Variants in KLF17 observed in about 807,000 individuals in gnomAD.
KLF17 encodes the protein KLF transcription factor 17.
KLF17 carries 31 observed loss-of-function variants against 34.2 expected under a neutral mutation model. That is an observed-to-expected ratio of 0.91 (90% CI 0.68 to 1.22). The LOEUF (loss-of-function observed/expected upper bound fraction) is 1.22. Ranked by LOEUF, KLF17 falls within the 50% of genes most tolerant of loss-of-function variation. The pLI is 0.00. For synonymous variants in KLF17, 179 were observed against 186.7 expected (o/e 0.96, Z 0.34); for missense variants, 478 against 505.2 (o/e 0.95, Z 0.52).
chr1:44,127,858 T>C (rs1376798094), intron 1 of KLF17, among the ~76,000 whole-genome samples: 1 of 150,982 alleles, frequency 6.6e-6, no homozygotes, highest in Non-Finnish European at 1.5e-5. Context: ...TAGCAACAAT[T>C]TTCGGGTGAC....
At chr1:44,106,906 G>C in the KLF17 span, 1 of 152,186 alleles carries the variant, frequency 6.6e-6, no homozygotes, top group African/African-American at 2.4e-5. Flanking sequence ...GTGGTCTGCT[G>C]TTTCATTCAG....
At chr1:44,089,937 G>A in the KLF17 span, among the ~76,000 whole-genome samples, 1 of 151,902 alleles carries the variant, frequency 6.6e-6, no homozygotes, top group Non-Finnish European at 1.5e-5. Flanking sequence ...CAAGGGGGGC[G>A]GATCACTTGA....
chr1:44,112,431 G>T, the KLF17 span, among the ~76,000 whole-genome samples: 1 of 150,520 alleles, frequency 6.6e-6, no homozygotes, highest in Non-Finnish European at 1.5e-5. Flanking sequence ...TAGCATCAGG[G>T]TCTCAGTCTT....
At chr1:44,118,668 GC>G (rs398089253), upstream of KLF17, among the ~76,000 whole-genome samples, 1 of 33,522 alleles carries the variant, frequency 3.0e-5, no homozygotes, top group East Asian at 3.8e-3. Flanking sequence ...GCCTGAAGTG[GC>G]TGGCTGTCCG....
chr1:44,047,573 A>G, the KLF17 span, among the ~76,000 whole-genome samples: 3 of 149,062 alleles, frequency 2.0e-5, no homozygotes, highest in Non-Finnish European at 4.4e-5. Flanking sequence ...CGGCACAGTG[A>G]CATCAACATC....
At chr1:44,047,433 G>A in the KLF17 span, among the ~76,000 whole-genome samples, 1 of 152,140 alleles carries the variant, frequency 6.6e-6, no homozygotes, top group African/African-American at 2.4e-5. Context: ...GGAACCAGAA[G>A]AACCAGGTCC....
At chr1:44,103,947 T>A in the KLF17 span, 2 of 862,934 alleles carry the variant, frequency 2.3e-6, no homozygotes, top group Non-Finnish European at 4.0e-6. Context: ...GCTCTCAGCC[T>A]CAGCCCGCCT....
At chr1:44,121,751 A>C (rs906935121) in intron 1 of KLF17, among the ~76,000 whole-genome samples, 1 of 152,232 alleles carries the variant, frequency 6.6e-6, no homozygotes, top group Non-Finnish European at 1.5e-5. Flanking sequence ...ATTTTTGGCA[A>C]GAATGCCTCA....
At chr1:44,112,871 A>G in the KLF17 span, among the ~76,000 whole-genome samples, 3 of 152,198 alleles carry the variant, frequency 2.0e-5, no homozygotes, top group African/African-American at 7.2e-5. Context: ...TCATTTGACA[A>G]AGGGTTCCTA....
chr1:44,125,298 C>T (rs189464266), intron 1 of KLF17, among the ~76,000 whole-genome samples: 29 of 152,130 alleles, frequency 1.9e-4, no homozygotes, highest in Admixed American at 1.2e-3. Flanking sequence ...ACAGTTTTGC[C>T]GTATATAGGA....
At chr1:44,055,836 C>T in the KLF17 span, among the ~76,000 whole-genome samples, 1 of 152,090 alleles carries the variant, frequency 6.6e-6, no homozygotes, top group African/African-American at 2.4e-5. Context: ...CATGTAACAC[C>T]CTTATTTTAC....
chr1:44,079,537 A>T, the KLF17 span, among the ~76,000 whole-genome samples: 2 of 151,974 alleles, frequency 1.3e-5, no homozygotes, highest in Non-Finnish European at 2.9e-5. Flanking sequence ...TCCTGGGCTC[A>T]AGCGATCCTC....
At chr1:44,044,956 T>C in the KLF17 span, 8 of 152,188 alleles carry the variant, frequency 5.3e-5, no homozygotes, top group African/African-American at 1.4e-4. Flanking sequence ...TTCAGTCTGA[T>C]GTCATGTCAG....
chr1:44,122,414 A>C, intron 1 of KLF17: 1 of 1,549,672 alleles, frequency 6.5e-7, no homozygotes, highest in South Asian at 1.1e-5. Context: ...TCATGCTGAC[A>C]TCCACACCTG....
chr1:44,094,513 T>C, the KLF17 span, among the ~76,000 whole-genome samples: 1 of 152,222 alleles, frequency 6.6e-6, no homozygotes, highest in Non-Finnish European at 1.5e-5. Flanking sequence ...TTTGATTTGA[T>C]TTTTGTGTAT....
chr1:44,062,341 GTATCTA>G, the KLF17 span, among the ~76,000 whole-genome samples: 7 of 152,204 alleles, frequency 4.6e-5, no homozygotes, highest in Admixed American at 6.5e-5. Flanking sequence ...GCCTATATCT[GTATCTA>G]TATCTATATC....
the KLF17 span, among the ~76,000 whole-genome samples, chr1:44,112,295 G>A: frequency 0.047 from 7,147 of 152,196 alleles, 229 homozygotes; most frequent in African/African-American, 0.091. Context: ...TTCAAAACCT[G>A]GCTCTGACTT....
chr1:44,121,454 A>C (rs2087945182), intron 1 of KLF17, among the ~76,000 whole-genome samples: 1 of 152,208 alleles, frequency 6.6e-6, no homozygotes, highest in Non-Finnish European at 1.5e-5. Flanking sequence ...AGCCTTATTC[A>C]AATGCCCCTA....
chr1:44,128,238 C>T (rs1205546793), intron 1 of KLF17, among the ~76,000 whole-genome samples: 4 of 152,094 alleles, frequency 2.6e-5, no homozygotes, highest in Non-Finnish European at 5.9e-5. Context: ...CACGCCACCA[C>T]ACCTAGCTGA....
Sources: allele counts gnomAD v4.1 joint callset (sites outside exome capture counted in the v4.1 genomes callset), GRCh38; gene constraint gnomAD v4.1.1; transcripts MANE v1.5; gene names NCBI Gene and HGNC (gene_info 2026-07-23, HGNC 2026-07-21).